ESRRG: variants seen among roughly 807,000 people sequenced by gnomAD.
ESRRG encodes the protein estrogen related receptor gamma.
ESRRG carries 13 observed loss-of-function variants against 44.0 expected under a neutral mutation model. That is an observed-to-expected ratio of 0.30 (90% CI 0.19 to 0.47). The LOEUF (loss-of-function observed/expected upper bound fraction) is 0.47, where lower values mean the gene tolerates loss of function less well. Ranked by LOEUF, ESRRG falls within the 20% of genes least tolerant of loss-of-function variation. The pLI is 1.00. For missense variants in ESRRG, 395 were observed against 580.6 expected (o/e 0.68, Z 3.29); for synonymous variants, 215 against 214.6 (o/e 1.00, Z -0.02).
intron 3 of ESRRG, among the ~76,000 whole-genome samples, chr1:216,631,268 T>C (rs1173697473): frequency 6.6e-6 from 1 of 152,200 alleles, no homozygotes; most frequent in East Asian, 1.9e-4. Context: ...GTTCAAACTG[T>C]GTATGTATAC....
In ESRRG at chr1:216,952,363, G is replaced by A. The variant is rs541774017; in HGVS notation, c.-105-12690C>T. On this transcript the variant is annotated intron_variant, in intron 1 of 7. Coordinates refer to the ESRRG transcript ENST00000359162. The stretch of plus-strand genomic sequence containing the variant: ...TTGCCCATATTTTGCAAAGGGCAGC[G>A]TGGAAACGGGAAGCCACAGCCTTAC... 4.7e-4 allele frequency among the ~76,000 whole-genome samples: 71 copies of A among 152,258 alleles called. 1 individual carries two copies. Among genetic ancestry groups the A allele is most frequent in the African/African-American group, 1.4e-3 (57 of 41,546 alleles).
chr1:216,742,720 A>G (rs2090905740), intron 2 of ESRRG, among the ~76,000 whole-genome samples: 1 of 152,136 alleles, frequency 6.6e-6, no homozygotes, highest in Non-Finnish European at 1.5e-5. Context: ...AGTTACTGAA[A>G]AAACAACTTC....
chr1:217,071,111 G>A (rs1299752454), intron 1 of ESRRG, among the ~76,000 whole-genome samples: 1 of 151,870 alleles, frequency 6.6e-6, no homozygotes, highest in Non-Finnish European at 1.5e-5. Context: ...AATTAAATTT[G>A]AGTTCTGTGA....
At chr1:216,620,657 A>C (rs1483816847) in intron 3 of ESRRG, among the ~76,000 whole-genome samples, 1 of 152,202 alleles carries the variant, frequency 6.6e-6, no homozygotes, top group Non-Finnish European at 1.5e-5. Flanking sequence ...AAAATGAATA[A>C]GGGGTTTAGT....
chr1:216,557,541 G>C (rs2057836036), intron 5 of ESRRG, among the ~76,000 whole-genome samples: 1 of 152,150 alleles, frequency 6.6e-6, no homozygotes, highest in Non-Finnish European at 1.5e-5. Context: ...CATCTATAAA[G>C]TGGGACTAAT....
chr1:216,701,017 T>G (rs796745813), intron 1 of ESRRG, among the ~76,000 whole-genome samples: 3 of 152,292 alleles, frequency 2.0e-5, no homozygotes, highest in African/African-American at 7.2e-5. Context: ...CATTTCGACT[T>G]CAGAATTTGT....
intron 2 of ESRRG, among the ~76,000 whole-genome samples, chr1:216,810,705 T>C (rs867423699): frequency 1.6e-3 from 37 of 23,274 alleles, no homozygotes; most frequent in Admixed American, 3.0e-3. Flanking sequence ...AAAATGGATG[T>C]GTGTGTGTGT....
At chr1:216,673,526 C>A (rs555808810) in intron 2 of ESRRG, among the ~76,000 whole-genome samples, 9 of 152,184 alleles carry the variant, frequency 5.9e-5, no homozygotes, top group Non-Finnish European at 1.3e-4. Flanking sequence ...TTGCTCTCTC[C>A]AATACGGAGT....
intron 2 of ESRRG, among the ~76,000 whole-genome samples, chr1:216,833,401 C>A (rs1056389237): frequency 1.3e-5 from 2 of 152,160 alleles, no homozygotes; most frequent in Non-Finnish European, 2.9e-5. Context: ...TTGTTACTAG[C>A]ATTAGCTACA....
intron 3 of ESRRG, among the ~76,000 whole-genome samples, chr1:216,626,879 G>C (rs1023696802): frequency 1.3e-5 from 2 of 152,170 alleles, no homozygotes; most frequent in Non-Finnish European, 2.9e-5. Flanking sequence ...AAATAGATTA[G>C]AATCAAAAGT....
intron 1 of ESRRG, among the ~76,000 whole-genome samples, chr1:216,972,559 C>A (rs775692295): frequency 1.3e-5 from 2 of 152,188 alleles, no homozygotes; most frequent in Non-Finnish European, 2.9e-5. Flanking sequence ...GTCACATTGA[C>A]TCTGCTCATC....
chr1:217,064,980 T>C (rs4539203), intron 1 of ESRRG, among the ~76,000 whole-genome samples: 27,324 of 152,088 alleles, frequency 0.18, 3,220 homozygotes, highest in East Asian at 0.64. Context: ...CCTCCTATAA[T>C]GCCCCAAAAC....
At chr1:216,897,245 G>T (rs2058537375) in intron 2 of ESRRG, among the ~76,000 whole-genome samples, 1 of 152,108 alleles carries the variant, frequency 6.6e-6, no homozygotes, top group African/African-American at 2.4e-5. Flanking sequence ...ATTACTCTTG[G>T]GGTTGTGGGG....
At chr1:216,556,965 A>G (rs978083422) in intron 5 of ESRRG, among the ~76,000 whole-genome samples, 2 of 152,160 alleles carry the variant, frequency 1.3e-5, no homozygotes, top group African/African-American at 4.8e-5. Flanking sequence ...AACATTTTTT[A>G]TATGGTCAAG....
chr1:217,094,232 T>C (rs1580558267), upstream of ESRRG, among the ~76,000 whole-genome samples: 1 of 152,218 alleles, frequency 6.6e-6, no homozygotes, highest in South Asian at 2.1e-4. Context: ...GCCTACCATA[T>C]CAGCCAAAAT....
intron 5 of ESRRG, among the ~76,000 whole-genome samples, chr1:216,528,192 T>C (rs936065690): frequency 1.3e-5 from 2 of 152,184 alleles, no homozygotes; most frequent in African/African-American, 4.8e-5. Flanking sequence ...GCTTTTTCAT[T>C]AATTCAATGA....
intron 2 of ESRRG, among the ~76,000 whole-genome samples, chr1:216,920,488 A>G (rs529763339): frequency 1.3e-5 from 2 of 151,868 alleles, no homozygotes; most frequent in East Asian, 1.9e-4. Flanking sequence ...TTTCACATTC[A>G]TTATAAGAAT....
chr1:216,935,081 C>T (rs1463129205), intron 2 of ESRRG, among the ~76,000 whole-genome samples: 2 of 152,122 alleles, frequency 1.3e-5, no homozygotes, highest in Admixed American at 6.6e-5. Context: ...AATTAAACTG[C>T]TTTTCCTACT....
chr1:216,730,353 G>T (rs1464198035), intron 2 of ESRRG, among the ~76,000 whole-genome samples: 2 of 147,926 alleles, frequency 1.4e-5, no homozygotes, highest in South Asian at 2.2e-4. Context: ...AAGAAAAAAA[G>T]GTACATAGTT....
Sources: allele counts gnomAD v4.1 joint callset (sites outside exome capture counted in the v4.1 genomes callset), GRCh38; gene constraint gnomAD v4.1.1; transcripts MANE v1.5; gene names NCBI Gene and HGNC (gene_info 2026-07-23, HGNC 2026-07-21).